PDE1A: variants seen among roughly 807,000 people sequenced by gnomAD.
The protein encoded by PDE1A is phosphodiesterase 1A.
A neutral mutation model predicts 61.7 loss-of-function variants in PDE1A; 35 were observed. The ratio of observed to expected loss-of-function variants is 0.57; its 90% CI spans 0.43 to 0.75. PDE1A has a LOEUF of 0.75. PDE1A is among the 30% of genes least tolerant of loss of function. The probability of loss-of-function intolerance (pLI) is 0.00; values close to 1 mark genes in which losing one functional copy is unlikely to be tolerated. For synonymous variants in PDE1A, 232 were observed against 213.2 expected (o/e 1.09, Z -0.77); for missense variants, 597 against 630.6 (o/e 0.95, Z 0.57).
intron 1 of PDE1A, among the ~76,000 whole-genome samples, chr2:182,278,533 A>T (rs1401045920): frequency 7.0e-6 from 1 of 142,174 alleles, no homozygotes; most frequent in African/African-American, 2.5e-5. Context: ...TTTATAAGTC[A>T]TTTTGATTAT....
At chr2:182,618,561 T>A in the PDE1A span, among the ~76,000 whole-genome samples, 2 of 132,394 alleles carry the variant, frequency 1.5e-5, no homozygotes, top group African/African-American at 5.0e-5. Context: ...GAGCTTTGAT[T>A]CTGCTTGCAA....
chr2:182,500,750 T>C (rs779101378), intron 2 of PDE1A, among the ~76,000 whole-genome samples: 19 of 152,314 alleles, frequency 1.2e-4, no homozygotes, highest in Middle Eastern at 3.4e-3. Context: ...CAAAAGTAGA[T>C]GTAAAATCTA....
At chr2:182,583,553 CCAATTAG>C in the PDE1A span, among the ~76,000 whole-genome samples, 6 of 152,126 alleles carry the variant, frequency 3.9e-5, no homozygotes, top group African/African-American at 1.4e-4. Flanking sequence ...TTGGGTAAGT[CCAATTAG>C]CAAACACAGG....
At chr2:182,517,331 C>T (rs1194188747) in intron 2 of PDE1A, among the ~76,000 whole-genome samples, 3 of 152,164 alleles carry the variant, frequency 2.0e-5, no homozygotes, top group Admixed American at 2.0e-4. Flanking sequence ...AACACCCTTC[C>T]ATCTTCTCCA....
chr2:182,597,403 C>T, the PDE1A span, among the ~76,000 whole-genome samples: 1 of 152,002 alleles, frequency 6.6e-6, no homozygotes, highest in Non-Finnish European at 1.5e-5. Flanking sequence ...TGTGAAGGAG[C>T]CATCAATAGG....
rs899697354 is a variant in PDE1A at position 182,242,935 on chromosome 2, A to ATG, written c.168-2645_168-2644dup. On this transcript the variant is annotated intron_variant, in intron 2 of 13. Transcript: ENST00000351439. ...CTCTCTCTCTCTCTCTCGTGTGTGT[A>ATG]TGTGTGTGTGTGTGTTGTGTAGCTG... Among the ~76,000 whole-genome samples, 5 of 142,740 alleles carry ATG rather than the reference A, an allele frequency of 3.5e-5. 1 individual carries two copies. The highest frequency in any genetic ancestry group is 7.0e-5 in the Admixed American group (1 of 14,356). The allele number at this position is 142,740 out of a possible 152,430, so 93.6% of individuals were successfully genotyped here.
At chr2:182,501,006 C>T (rs1209811601) in intron 2 of PDE1A, among the ~76,000 whole-genome samples, 1 of 152,162 alleles carries the variant, frequency 6.6e-6, no homozygotes, top group Non-Finnish European at 1.5e-5. Flanking sequence ...TCAACCAAAA[C>T]GAACTTCAGT....
chr2:182,276,471 A>G (rs1693418250), intron 1 of PDE1A, among the ~76,000 whole-genome samples: 1 of 151,944 alleles, frequency 6.6e-6, no homozygotes, highest in Non-Finnish European at 1.5e-5. Flanking sequence ...CCCAAATAAT[A>G]CTCATAATTT....
chr2:182,172,386 A>G (rs1353138890), intron 13 of PDE1A, among the ~76,000 whole-genome samples: 2 of 152,022 alleles, frequency 1.3e-5, no homozygotes, highest in African/African-American at 4.8e-5. Flanking sequence ...ATATTTTTGT[A>G]ATGACTTAAT....
intron 2 of PDE1A, among the ~76,000 whole-genome samples, chr2:182,432,761 C>T (rs1449760585): frequency 3.9e-5 from 6 of 152,008 alleles, no homozygotes; most frequent in Non-Finnish European, 8.8e-5. Flanking sequence ...TTTCTCTGAC[C>T]TTGAGGTGGC....
intron 13 of PDE1A, among the ~76,000 whole-genome samples, chr2:182,169,938 A>ACACACACACCCTCC (rs1393866906): frequency 1.1e-5 from 1 of 92,686 alleles, no homozygotes; most frequent in Non-Finnish European, 2.3e-5. Context: ...ACACACACAC[A>ACACACACACCCTCC]CTCTCCCTCT....
At chr2:182,481,453 T>G (rs1687697372) in intron 2 of PDE1A, among the ~76,000 whole-genome samples, 1 of 151,944 alleles carries the variant, frequency 6.6e-6, no homozygotes, top group African/African-American at 2.4e-5. Context: ...CTATGAAGTC[T>G]GAAGTGAAAA....
chr2:182,581,550 T>A, the PDE1A span, among the ~76,000 whole-genome samples: 1 of 152,214 alleles, frequency 6.6e-6, no homozygotes, highest in African/African-American at 2.4e-5. Flanking sequence ...ATCAAATCAA[T>A]CTATTATTTC....
At chr2:182,331,055 G>A (rs953295015) in intron 1 of PDE1A, among the ~76,000 whole-genome samples, 1 of 152,220 alleles carries the variant, frequency 6.6e-6, no homozygotes. Flanking sequence ...CCACCAAGGG[G>A]GCTGTGAAGT....
chr2:182,154,607 C>G (rs574450997), intron 13 of PDE1A, among the ~76,000 whole-genome samples: 2 of 152,226 alleles, frequency 1.3e-5, no homozygotes, highest in East Asian at 3.9e-4. Context: ...GGGAGGTCTC[C>G]TGCTTCTTGC....
At chr2:182,151,124 G>A (rs558533092) in intron 13 of PDE1A, among the ~76,000 whole-genome samples, 19 of 152,168 alleles carry the variant, frequency 1.2e-4, no homozygotes, top group Non-Finnish European at 2.5e-4. Flanking sequence ...TTTTGCTCTT[G>A]TTGTCCAGGC....
At chr2:182,336,611 C>T (rs1697832716) in intron 1 of PDE1A, among the ~76,000 whole-genome samples, 1 of 152,050 alleles carries the variant, frequency 6.6e-6, no homozygotes, top group Non-Finnish European at 1.5e-5. Flanking sequence ...CACACCAGGG[C>T]CTGTCAGCGG....
rs879100414 is a variant in PDE1A, at chr2:182,221,796, C to G, written c.776+2068G>C. 1.3e-5 allele frequency among the ~76,000 whole-genome samples: 2 copies of G among 151,978 alleles called. 1 individual carries two copies. Among genetic ancestry groups the G allele is most frequent in the Admixed American group, 1.3e-4 (2 of 15,240 alleles). On this transcript the variant is annotated intron_variant, in intron 7 of 13. Coordinates refer to ENST00000351439, the Ensembl canonical transcript of PDE1A. ...AGAACTGGATTGACAGTGAGTGTCC[C>G]TTTTCTCACTCCTCAATTCTGCCAC...
At chr2:182,263,452 C>T (rs1038457222) in intron 2 of PDE1A, among the ~76,000 whole-genome samples, 4 of 152,102 alleles carry the variant, frequency 2.6e-5, no homozygotes, top group African/African-American at 9.7e-5. Flanking sequence ...CACTATTTGA[C>T]TTAAGTAGTC....
Sources: allele counts gnomAD v4.1 joint callset (sites outside exome capture counted in the v4.1 genomes callset), GRCh38; gene constraint gnomAD v4.1.1; transcripts MANE v1.5; gene names NCBI Gene and HGNC (gene_info 2026-07-23, HGNC 2026-07-21).